The following HACE1 variants were observed in gnomAD, a reference collection of about 807,000 sequenced individuals.
HACE1 encodes the protein E3 ubiquitin-protein ligase HACE1.
Under a neutral mutation model 118.4 loss-of-function variants are expected in HACE1, and 73 were observed. The observed-to-expected ratio is 0.62, with a 90% confidence interval of 0.51 to 0.75. HACE1 has a LOEUF of 0.75. HACE1 is among the 30% of genes least tolerant of loss of function. The probability of loss-of-function intolerance (pLI) is 0.00; values close to 1 mark genes in which losing one functional copy is unlikely to be tolerated. For missense variants in HACE1, 749 were observed against 1,102.2 expected (o/e 0.68, Z 4.54); for synonymous variants, 368 against 374.8 (o/e 0.98, Z 0.21).
chr6:104,859,661 G>C lies in HACE1; in HGVS notation c.-19C>G. 2 of 1,526,788 alleles carry C rather than the reference G, an allele frequency of 1.3e-6. No individual in the cohort carries two copies. Among genetic ancestry groups the C allele is most frequent in the African/African-American group, 1.4e-5 (1 of 70,478 alleles). The allele number at this position is 1,526,788 out of a possible 1,614,324, so 94.6% of individuals were successfully genotyped here. ...TCTCCATCCTCGGCGCGCCCTCCGC[G>C]ATCCTCCGCGATCAGCCGCCCCACC... On this transcript the variant is annotated 5_prime_UTR_variant, in exon 1 of 24. The change creates a new upstream start codon in the 5' untranslated region. Coordinates refer to ENST00000262903, the MANE Select transcript of HACE1 (RefSeq NM_020771.4).
At chr6:104,826,776 T>G (rs999769610) in intron 6 of HACE1, among the ~76,000 whole-genome samples, 1 of 152,202 alleles carries the variant, frequency 6.6e-6, no homozygotes, top group Non-Finnish European at 1.5e-5. Context: ...TGCCTAAAAC[T>G]GGATCGACAA....
intron 22 of HACE1, among the ~76,000 whole-genome samples, chr6:104,737,648 T>C (rs1397933146): frequency 6.6e-6 from 1 of 152,090 alleles, no homozygotes; most frequent in Non-Finnish European, 1.5e-5. Flanking sequence ...CACCACGAGA[T>C]TATATCCTGC....
At chr6:104,829,102 C>T (rs1281889751) in intron 6 of HACE1, among the ~76,000 whole-genome samples, 1 of 151,884 alleles carries the variant, frequency 6.6e-6, no homozygotes, top group Non-Finnish European at 1.5e-5. Flanking sequence ...ATTATGTAAG[C>T]TCCTAAGCTT....
At chr6:104,792,202 T>C (rs1442219439) in intron 10 of HACE1, among the ~76,000 whole-genome samples, 1 of 152,182 alleles carries the variant, frequency 6.6e-6, no homozygotes, top group Non-Finnish European at 1.5e-5. Flanking sequence ...AAAGTTGCTA[T>C]CTGCATTAGG....
chr6:104,858,235 T>C (rs956158865), intron 1 of HACE1, among the ~76,000 whole-genome samples: 1 of 152,196 alleles, frequency 6.6e-6, no homozygotes, highest in Non-Finnish European at 1.5e-5. Flanking sequence ...ATTATACATG[T>C]AGTCTTCATA....
rs144770301 is a variant in HACE1 at position 104,844,504 on chromosome 6, A to T, written c.327-1206T>A. Among the ~76,000 whole-genome samples, 3 of 148,570 alleles carry T rather than the reference A, an allele frequency of 2.0e-5. No homozygotes were observed. In the East Asian group the frequency reaches 6.1e-4, roughly 30 times the overall value. ...GATTACAGACATGCACCACCACGCCAGGCTAATTTTTGTGTATTTTAGTAA... is the reference window on the plus strand; with the variant it reads ...GATTACAGACATGCACCACCACGCCTGGCTAATTTTTGTGTATTTTAGTAA... On this transcript the variant is annotated intron_variant, in intron 4 of 23. Coordinates refer to ENST00000262903, the MANE Select transcript of HACE1 (RefSeq NM_020771.4).
At chr6:104,837,228 G>C (rs1013319535) in intron 5 of HACE1, among the ~76,000 whole-genome samples, 8 of 152,164 alleles carry the variant, frequency 5.3e-5, no homozygotes, top group African/African-American at 1.9e-4. Context: ...TATTCTACCT[G>C]GTATTAAGAC....
chr6:104,771,038 T>C (rs1408365483), intron 19 of HACE1, among the ~76,000 whole-genome samples, 155 bp downstream of exon 19: 2 of 152,256 alleles, frequency 1.3e-5, no homozygotes, highest in Non-Finnish European at 2.9e-5. Context: ...ATTCAAAATT[T>C]AACATTTGAT....
chr6:104,776,659 G>A (rs1177539054), intron 17 of HACE1, 82 bp downstream of exon 17: 1 of 869,406 alleles, frequency 1.2e-6, no homozygotes, highest in Non-Finnish European at 2.0e-6. Flanking sequence ...GGTCTGCTGT[G>A]GAAATCAAAA....
chr6:104,808,731 C>T (rs890178148), intron 7 of HACE1, among the ~76,000 whole-genome samples: 4 of 152,070 alleles, frequency 2.6e-5, no homozygotes, highest in Admixed American at 6.5e-5. Context: ...ATATTCCTTT[C>T]CCTTTCATTT....
At chr6:104,803,153 A>C (rs1770583417) in intron 7 of HACE1, among the ~76,000 whole-genome samples, 1 of 152,184 alleles carries the variant, frequency 6.6e-6, no homozygotes, top group East Asian at 1.9e-4. Context: ...AAGAAGTTGA[A>C]TCTCTGAACA....
intron 19 of HACE1, among the ~76,000 whole-genome samples, chr6:104,765,754 G>A (rs993865286): frequency 4.6e-5 from 7 of 152,192 alleles, no homozygotes; most frequent in Non-Finnish European, 8.8e-5. Context: ...CTGTTAGGCT[G>A]ACAAATCCAC....
Position 104,859,848 on chromosome 6 carries a change from C to G in HACE1, c.-206G>C. On this transcript the variant is annotated 5_prime_UTR_variant, in exon 1 of 24. Coordinates refer to ENST00000262903, the MANE Select transcript of HACE1 (RefSeq NM_020771.4). ...CCGGACCGACCACCTACAGTACACC[C>G]GCCGCCGCCTCTGCTCGCGCCTTTC... 2.0e-6 allele frequency: 1 copy of G among 509,180 alleles called. No homozygotes were observed. The highest frequency in any genetic ancestry group is 3.4e-6 in the Non-Finnish European group (1 of 291,632). 31.5% of individuals were successfully genotyped at this position (509,180 alleles called of 1,614,324 possible).
At chr6:104,733,594 T>C (rs988654397) in intron 22 of HACE1, among the ~76,000 whole-genome samples, 37 of 152,354 alleles carry the variant, frequency 2.4e-4, no homozygotes, top group African/African-American at 8.9e-4. Context: ...GGCTCACGCC[T>C]GTAATCCCAG....
At chr6:104,734,462 T>C (rs1320236575) in intron 22 of HACE1, among the ~76,000 whole-genome samples, 2 of 152,104 alleles carry the variant, frequency 1.3e-5, no homozygotes, top group African/African-American at 2.4e-5. Context: ...GAATGACAAG[T>C]ACTATACCTA....
At chr6:104,738,682 C>G (rs1280706050) in intron 22 of HACE1, among the ~76,000 whole-genome samples, 1 of 149,776 alleles carries the variant, frequency 6.7e-6, no homozygotes, top group Non-Finnish European at 1.5e-5. Context: ...AAGACCAAAT[C>G]TATGTCTGAT....
chr6:104,774,679 C>G (rs990085404), intron 17 of HACE1, among the ~76,000 whole-genome samples: 3 of 152,156 alleles, frequency 2.0e-5, no homozygotes, highest in Non-Finnish European at 4.4e-5. Context: ...CCACCGCGCC[C>G]AAGCAGGTAT....
chr6:104,744,482 A>G (rs1324147593), intron 21 of HACE1, 30 bp downstream of exon 21: 1 of 1,201,090 alleles, frequency 8.3e-7, no homozygotes, highest in South Asian at 1.2e-5. Context: ...GCAAAACTTA[A>G]CTTCATTCTA....
intron 20 of HACE1, among the ~76,000 whole-genome samples, chr6:104,749,240 G>A (rs1777773189): frequency 6.6e-6 from 1 of 151,956 alleles, no homozygotes. Context: ...TAATATAATA[G>A]CTCAAATAGT....
Sources: gnomAD v4.1 joint callset for allele counts (sites outside exome capture counted in the v4.1 genomes callset) on GRCh38, gnomAD v4.1.1 for gene constraint, MANE v1.5 for transcripts, NCBI Gene and HGNC (gene_info 2026-07-23, HGNC 2026-07-21) for gene names.